NEBL: variants seen among roughly 807,000 people sequenced by gnomAD.
NEBL encodes LIM and SH3 protein 2.
Under a neutral mutation model 140.2 loss-of-function variants are expected in NEBL, and 122 were observed. That is an observed-to-expected ratio of 0.87 (90% CI 0.75 to 1.01). The LOEUF (loss-of-function observed/expected upper bound fraction) is 1.01. Ranked by LOEUF, NEBL falls within the 50% of genes least tolerant of loss-of-function variation. The pLI is 0.00. For synonymous variants in NEBL, 436 were observed against 398.9 expected (o/e 1.09, Z -1.11); for missense variants, 1,365 against 1,231.3 (o/e 1.11, Z -1.62).
chr10:20,787,156 A>G (rs752347323), intron 27 of NEBL, 46 bp downstream of exon 27: 1 of 1,376,368 alleles, frequency 7.3e-7, no homozygotes, highest in Non-Finnish European at 1.0e-6. Flanking sequence ...GCTTGAGGGG[A>G]AATGGGAAGA....
chr10:21,250,097 C>T (rs1842568196), intron 2 of NEBL, among the ~76,000 whole-genome samples: 2 of 152,102 alleles, frequency 1.3e-5, no homozygotes, highest in South Asian at 4.1e-4. Context: ...CAATGGATCT[C>T]TGTGATGGTT....
At chr10:20,923,730 C>CCACAG (rs1833726177) in intron 4 of NEBL, among the ~76,000 whole-genome samples, 1 of 137,030 alleles carries the variant, frequency 7.3e-6, no homozygotes, top group Non-Finnish European at 1.5e-5. Context: ...TTGGAAGTGA[C>CCACAG]CACAGCACAG....
At chr10:20,846,890 G>A (rs1379008420) in intron 11 of NEBL, among the ~76,000 whole-genome samples, 1 of 151,820 alleles carries the variant, frequency 6.6e-6, no homozygotes, top group South Asian at 2.1e-4. Context: ...GAAGAAAGCA[G>A]TATTTGTGAA....
At chr10:20,851,326 A>C (rs703088) in intron 10 of NEBL, among the ~76,000 whole-genome samples, 140,314 of 152,004 alleles carry the variant, frequency 0.92, 64,845 homozygotes, top group Middle Eastern at 0.95. Flanking sequence ...ATGATAATTC[A>C]ACCCAAGAGA....
intron 26 of NEBL, among the ~76,000 whole-genome samples, chr10:20,807,171 C>CA (rs1837685761): frequency 1.3e-5 from 2 of 152,158 alleles, no homozygotes; most frequent in East Asian, 1.9e-4. Context: ...ATAAAAAATA[C>CA]AAAAATTAGC....
intron 2 of NEBL, among the ~76,000 whole-genome samples, chr10:21,112,230 C>T (rs893002239): frequency 3.3e-5 from 5 of 152,150 alleles, no homozygotes; most frequent in African/African-American, 1.2e-4. Flanking sequence ...CCCAGTGATC[C>T]CATTACTGGG....
chr10:20,811,441 A>G (rs1838127855), intron 24 of NEBL, among the ~76,000 whole-genome samples: 1 of 152,216 alleles, frequency 6.6e-6, no homozygotes, highest in Non-Finnish European at 1.5e-5. Context: ...CCTTTAGCAC[A>G]AAGCAATGAA....
chr10:21,118,065 C>T (rs1447658892), intron 2 of NEBL, among the ~76,000 whole-genome samples: 1 of 152,076 alleles, frequency 6.6e-6, no homozygotes, highest in East Asian at 1.9e-4. Flanking sequence ...CCTCATGTGC[C>T]CACTGAGAAG....
Position 20,889,927 on chromosome 10 carries a change from T to C in NEBL, c.176A>G (p.Lys59Arg), listed in dbSNP as rs770609331. Reference protein sequence around the residue: ...ISDIRYKEEFKKSKDKCTFVT... With the variant: ...ISDIRYKEEFRKSKDKCTFVT... ...AAATGTACACTTATCCTTGGACTTT[T>C]TAAACTCTTCTTTATAACGGATCTA... is the stretch of plus-strand genomic sequence containing the variant. Residue 59 changes from lysine to arginine, a missense_variant, in exon 3 of 28, where the codon AAA becomes AGA. This residue lies in a region of NEBL where 1,323 missense variants were observed against 1,154.8 expected (regional missense o/e 1.15). Transcript: ENST00000377122. 18 of 1,606,878 alleles carry C rather than the reference T, an allele frequency of 1.1e-5. No homozygotes were observed. The South Asian group carries it at 1.9e-4, about 17-fold the overall frequency.
At chr10:21,157,577 TA>T (rs993611287) in intron 2 of NEBL, among the ~76,000 whole-genome samples, 1 of 151,244 alleles carries the variant, frequency 6.6e-6, no homozygotes. Context: ...TCTCAAAAAA[TA>T]AAAAAAAATT....
Position 21,270,726 on chromosome 10 carries a change from C to T in NEBL, n.183-18898G>A, listed in dbSNP as rs549407997. 2.6e-5 allele frequency among the ~76,000 whole-genome samples: 4 copies of T among 152,280 alleles called. No individual in the cohort carries two copies. In the South Asian group the frequency reaches 8.3e-4, roughly 32 times the overall value. ...ATCTCACCCCAGCAGGTCATGAACT[C>T]CTTGAGGACAAGTCGTTCAACTCTT... On this transcript the variant is annotated intron_variant and non_coding_transcript_variant, in intron 1 of 8. Transcript: ENST00000675702.
At chr10:20,948,156 T>C (rs1023735556) in intron 4 of NEBL, among the ~76,000 whole-genome samples, 3 of 152,344 alleles carry the variant, frequency 2.0e-5, no homozygotes, top group East Asian at 3.9e-4. Flanking sequence ...AAGTATCATC[T>C]TTTTTATGGA....
chr10:20,814,398 C>A (rs1197246509), intron 22 of NEBL, among the ~76,000 whole-genome samples: 1 of 151,038 alleles, frequency 6.6e-6, no homozygotes, highest in Non-Finnish European at 1.5e-5. Flanking sequence ...GGATTTGAGA[C>A]TAGGCTGGGC....
chr10:21,166,219 C>CA (rs1170225891), intron 2 of NEBL, among the ~76,000 whole-genome samples: 7,433 of 34,938 alleles, frequency 0.21, 1,652 homozygotes, highest in South Asian at 0.26. Flanking sequence ...GACTGTGTCT[C>CA]AAAAAAAAAA....
At chr10:21,287,100 C>T (rs1843066251) in intron 1 of NEBL, among the ~76,000 whole-genome samples, 1 of 152,126 alleles carries the variant, frequency 6.6e-6, no homozygotes, top group African/African-American at 2.4e-5. Flanking sequence ...AATCCACAAC[C>T]AGAAGCAACC....
chr10:21,100,267 C>T (rs998893945), intron 2 of NEBL, among the ~76,000 whole-genome samples: 2 of 152,168 alleles, frequency 1.3e-5, no homozygotes, highest in Non-Finnish European at 2.9e-5. Context: ...CACCATCAGC[C>T]GGTCCTTTTC....
At chr10:21,258,104 G>A (rs1842685575) in intron 1 of NEBL, among the ~76,000 whole-genome samples, 1 of 152,124 alleles carries the variant, frequency 6.6e-6, no homozygotes, top group African/African-American at 2.4e-5. Flanking sequence ...AGGAGGAAAT[G>A]ACAATACAAG....
intron 3 of NEBL, among the ~76,000 whole-genome samples, chr10:21,012,131 T>C (rs1409806043): frequency 6.6e-6 from 1 of 152,094 alleles, no homozygotes; most frequent in African/African-American, 2.4e-5. Flanking sequence ...GAGGAGGTCA[T>C]GTTTCAGTCT....
chr10:20,899,446 C>T, upstream of NEBL: 1 of 1,296,430 alleles, frequency 7.7e-7, no homozygotes, highest in Non-Finnish European at 1.0e-6. Flanking sequence ...GGACTCTTCA[C>T]TGTGCTGCAA....
Sources: allele counts gnomAD v4.1 joint callset (sites outside exome capture counted in the v4.1 genomes callset), GRCh38; gene constraint gnomAD v4.1.1; regional missense constraint gnomAD v4.1.1; transcripts MANE v1.5; gene names NCBI Gene and HGNC (gene_info 2026-07-23, HGNC 2026-07-21).